SPATA6L: variants seen among roughly 807,000 people sequenced by gnomAD.
SPATA6L encodes the protein spermatogenesis associated 6-like protein.
In SPATA6L, 68 loss-of-function variants were observed where a neutral mutation model predicts 49.2. The ratio of observed to expected loss-of-function variants is 1.38; its 90% confidence interval spans 1.14 to 1.69. SPATA6L has a LOEUF of 1.69. Ranked by LOEUF, SPATA6L falls within the 40% of genes most tolerant of loss-of-function variation. SPATA6L has a pLI of 0.00. For synonymous variants in SPATA6L, 198 were observed against 165.7 expected (o/e 1.19, Z -1.50); for missense variants, 668 against 464.3 (o/e 1.44, Z -4.03).
At position 4,604,262 on chromosome 9, in the gene SPATA6L, G is replaced by T. The variant is rs768409051; in HGVS notation, c.1097C>A (p.Ser366Tyr). ...AATGATATAATTTACTTCAGAGGTA[G>T]AATCTTCCTACAATAAAAACAAATC... ...RAQLHQNKEDSTSEVNYIIER... is the reference protein window; with the variant it reads ...RAQLHQNKEDYTSEVNYIIER... Residue 366 changes from serine to tyrosine, a missense_variant, in exon 11 of 12, where the codon TCT becomes TAT. Ser to Tyr is a moderately radical substitution (Grantham distance 144, BLOSUM62 -2). Transcript: ENST00000682582. The T allele has an allele frequency of 4.4e-6, 7 of 1,603,062 alleles. No homozygotes were observed. The highest frequency in any genetic ancestry group is 6.0e-6 in the Non-Finnish European group (7 of 1,171,036).
chr9:4,623,809 C>A (rs1048012469), intron 6 of SPATA6L, among the ~76,000 whole-genome samples: 3 of 152,060 alleles, frequency 2.0e-5, no homozygotes, highest in African/African-American at 4.8e-5. Context: ...TAATTTATAT[C>A]AAATGAAGTA....
chr9:4,650,315 C>T (rs970998693), intron 3 of SPATA6L, among the ~76,000 whole-genome samples: 1 of 152,184 alleles, frequency 6.6e-6, no homozygotes, highest in African/African-American at 2.4e-5. Context: ...CTAATTCTTT[C>T]AACTGAGTAA....
intron 3 of SPATA6L, among the ~76,000 whole-genome samples, chr9:4,643,045 T>TGG (rs2130645763): frequency 6.6e-6 from 1 of 152,346 alleles, no homozygotes; most frequent in East Asian, 1.9e-4. Context: ...TCTGGCTCTG[T>TGG]GGCCCAGGCT....
chr9:4,614,455 T>G (rs1171520601), intron 9 of SPATA6L, among the ~76,000 whole-genome samples: 1 of 152,156 alleles, frequency 6.6e-6, no homozygotes, highest in African/African-American at 2.4e-5. Context: ...ATTGCTGGTA[T>G]GAAAAGAACA....
At chr9:4,592,241 G>A (rs1309320910) in intron 13 of SPATA6L, among the ~76,000 whole-genome samples, 2 of 151,430 alleles carry the variant, frequency 1.3e-5, no homozygotes, top group Non-Finnish European at 2.9e-5. Flanking sequence ...CTTGAACCCT[G>A]GAGGTGGAGT....
intron 3 of SPATA6L, among the ~76,000 whole-genome samples, chr9:4,655,384 G>C (rs1452530425): frequency 2.6e-5 from 4 of 152,220 alleles, no homozygotes; most frequent in Admixed American, 6.5e-5. Flanking sequence ...AGCTAGGAGG[G>C]CTGGTGGGGA....
At chr9:4,657,491 A>T (rs1440369587) in intron 2 of SPATA6L, among the ~76,000 whole-genome samples, 6 of 152,162 alleles carry the variant, frequency 3.9e-5, no homozygotes, top group African/African-American at 1.4e-4. Flanking sequence ...CTCTGATAAG[A>T]CTGGTGTCCT....
chr9:4,630,969 A>G (rs1186540295), intron 4 of SPATA6L, among the ~76,000 whole-genome samples: 1 of 152,180 alleles, frequency 6.6e-6, no homozygotes, highest in African/African-American at 2.4e-5. Flanking sequence ...CTGATTCCAC[A>G]CTTAACCACT....
intron 9 of SPATA6L, among the ~76,000 whole-genome samples, chr9:4,606,862 T>C (rs1206516328): frequency 2.7e-5 from 4 of 145,846 alleles, no homozygotes; most frequent in Non-Finnish European, 5.9e-5. Context: ...CGGGAGGACA[T>C]TCAAACCAAA....
chr9:4,646,515 C>G, intron 3 of SPATA6L: 1 of 1,510,214 alleles, frequency 6.6e-7, no homozygotes, highest in Non-Finnish European at 8.9e-7. Context: ...TTAATTCAAA[C>G]CTGGCTAGGA....
chr9:4,594,339 A>C (rs1822099049), downstream of SPATA6L, among the ~76,000 whole-genome samples: 1 of 152,056 alleles, frequency 6.6e-6, no homozygotes, highest in Non-Finnish European at 1.5e-5. Context: ...CCTCCAGACT[A>C]GCTGGGACTA....
At chr9:4,658,787 T>G (rs573108625) in intron 2 of SPATA6L, among the ~76,000 whole-genome samples, 2 of 151,848 alleles carry the variant, frequency 1.3e-5, no homozygotes, top group Admixed American at 1.3e-4. Flanking sequence ...AGGCCAGGAG[T>G]TTGAGACCAG....
intron 11 of SPATA6L, among the ~76,000 whole-genome samples, chr9:4,602,487 C>T (rs545457265): frequency 6.6e-6 from 1 of 152,334 alleles, no homozygotes; most frequent in East Asian, 1.9e-4. Flanking sequence ...CCAACTTGTT[C>T]TGTAAAGCAT....
intron 3 of SPATA6L, among the ~76,000 whole-genome samples, chr9:4,645,106 C>T (rs1448247685): frequency 6.6e-6 from 1 of 152,158 alleles, no homozygotes; most frequent in African/African-American, 2.4e-5. Flanking sequence ...ATTTTCACAT[C>T]ACTAAATATT....
At chr9:4,593,171 G>A (rs867032697) in intron 13 of SPATA6L, among the ~76,000 whole-genome samples, 2 of 152,082 alleles carry the variant, frequency 1.3e-5, no homozygotes, top group African/African-American at 4.8e-5. Flanking sequence ...AAGATATAAT[G>A]CTTCAAAATG....
rs1564213029 is a variant in SPATA6L at position 4,629,177 on chromosome 9, CA to C, written c.352-10del. 2 of 1,530,378 alleles carry C rather than the reference CA, an allele frequency of 1.3e-6. No homozygotes were observed. Among genetic ancestry groups the C allele is most frequent in the South Asian group, 2.4e-5 (2 of 84,274 alleles). 94.8% of individuals were successfully genotyped at this position (1,530,378 alleles called of 1,614,324 possible). On this transcript the variant is annotated splice_polypyrimidine_tract_variant and intron_variant, in intron 4 of 11. Coordinates refer to ENST00000682582, the MANE Select transcript of SPATA6L (RefSeq NM_001353486.2). The stretch of plus-strand genomic sequence containing the variant: ...ATTTTGGGAGCAATGCCCTATAAAA[CA>C]GCATAAAAAAAGCAAATAAAATTAC...
chr9:4,631,218 ATCCAGTC>A (rs901560303), intron 4 of SPATA6L, among the ~76,000 whole-genome samples: 5 of 152,234 alleles, frequency 3.3e-5, no homozygotes, highest in African/African-American at 4.8e-5. Flanking sequence ...ACTATATCTC[ATCCAGTC>A]TCCTTACCAA....
intron 5 of SPATA6L, chr9:4,628,578 C>T (rs539498265): frequency 6.5e-6 from 1 of 153,718 alleles, no homozygotes; most frequent in African/African-American, 2.4e-5. Context: ...TCCCCCGTAG[C>T]TGGGACTACA....
intron 3 of SPATA6L, among the ~76,000 whole-genome samples, chr9:4,650,781 T>A (rs1029783912): frequency 6.6e-6 from 1 of 151,236 alleles, no homozygotes; most frequent in African/African-American, 2.4e-5. Context: ...CACTTCACCC[T>A]CCCAAGTAGC....
Sources: gnomAD v4.1 joint callset for allele counts (sites outside exome capture counted in the v4.1 genomes callset) on GRCh38, gnomAD v4.1.1 for gene constraint, MANE v1.5 for transcripts, NCBI Gene and HGNC (gene_info 2026-07-23, HGNC 2026-07-21) for gene names.